The following SYNE2 variants were observed in gnomAD, a reference collection of about 807,000 sequenced individuals.
The protein encoded by SYNE2 is spectrin repeat containing nuclear envelope protein 2, also known as nesprin-2.
A neutral mutation model predicts 856.3 loss-of-function variants in SYNE2; 431 were observed. The ratio of observed to expected loss-of-function variants is 0.50; its 90% CI spans 0.47 to 0.55. SYNE2 has a LOEUF of 0.55. Ranked by LOEUF, SYNE2 falls within the 20% of genes least tolerant of loss-of-function variation. The pLI is 0.00. For missense variants in SYNE2, 8,129 were observed against 8,023.2 expected, an observed-to-expected ratio of 1.01 and a Z score of -0.50; for synonymous variants, 2,923 against 2,872.3, an observed-to-expected ratio of 1.02 and a Z score of -0.56.
chr14:64,038,898 C>G (rs1032948161), intron 45 of SYNE2, among the ~76,000 whole-genome samples: 1 of 151,566 alleles, frequency 6.6e-6, no homozygotes, highest in African/African-American at 2.4e-5. Flanking sequence ...GCACTGTCTC[C>G]TCTTTTGATG....
chr14:63,994,937 C>T, intron 22 of SYNE2, 107 bp from the exon 23 acceptor site: 2 of 736,626 alleles, frequency 2.7e-6, no homozygotes. Flanking sequence ...GGCACTTAAG[C>T]TTTGTTTCTG....
At chr14:63,841,807 C>T (rs1890072062) in intron 1 of SYNE2, among the ~76,000 whole-genome samples, 1 of 148,002 alleles carries the variant, frequency 6.8e-6, no homozygotes, top group Non-Finnish European at 1.5e-5. Flanking sequence ...GTTTTTTGCC[C>T]ATTTTTCTTT....
chr14:63,942,002 A>G (rs756926125), intron 5 of SYNE2, 40 bp downstream of exon 5: 1 of 1,599,988 alleles, frequency 6.3e-7, no homozygotes, highest in African/African-American at 1.3e-5. Flanking sequence ...AGGAGAGATT[A>G]ATGCTCTGGG....
intron 85 of SYNE2, among the ~76,000 whole-genome samples, chr14:64,154,753 A>G (rs2098271957): frequency 1.3e-5 from 2 of 149,916 alleles, no homozygotes; most frequent in African/African-American, 4.9e-5. Context: ...AGACTATGCC[A>G]CTGCACTCCA....
At chr14:64,016,700 T>G (rs2096894658) in intron 33 of SYNE2, 69 bp downstream of exon 33, 1 of 1,075,224 alleles carries the variant, frequency 9.3e-7, no homozygotes, top group Non-Finnish European at 1.4e-6. Context: ...TTTAGTATTT[T>G]TATTTAATTC....
chr14:64,080,683 G>A (rs761581484), intron 56 of SYNE2, 45 bp downstream of exon 56: 1 of 1,602,578 alleles, frequency 6.2e-7, no homozygotes, highest in Non-Finnish European at 8.5e-7. Context: ...TGGTGGTATT[G>A]AGATGGTGTT....
chr14:64,203,965 C>G (rs959553108), intron 100 of SYNE2, among the ~76,000 whole-genome samples: 16 of 152,212 alleles, frequency 1.1e-4, no homozygotes, highest in Non-Finnish European at 2.1e-4. Flanking sequence ...GATCCTCCCA[C>G]CCCAGCCTCC....
At chr14:64,110,002 G>T (rs958850646) in intron 65 of SYNE2, among the ~76,000 whole-genome samples, 4 of 152,178 alleles carry the variant, frequency 2.6e-5, no homozygotes, top group Non-Finnish European at 5.9e-5. Flanking sequence ...GTGAAATCAA[G>T]CTAGGCATGA....
rs1483967595 is a variant in SYNE2, at chr14:64,049,812, G to A, written c.7579G>A (p.Glu2527Lys). 2.5e-6 allele frequency: 4 copies of A among 1,614,096 alleles called. No individual in the cohort carries two copies. Among genetic ancestry groups the A allele is most frequent in the Admixed American group, 1.7e-5 (1 of 60,004 alleles). ...ATATTGTGTCCTCAGAGATTTTCAGGAATACCTTGCTGCAGTTGAATCTTC... is the reference window on the plus strand; with the variant it reads ...ATATTGTGTCCTCAGAGATTTTCAGAAATACCTTGCTGCAGTTGAATCTTC... Reference protein sequence around the residue: ...SQYCVLRDFQEYLAAVESSMK... With the variant: ...SQYCVLRDFQKYLAAVESSMK... The change falls in exon 47 of 116, where the codon GAA becomes AAA. Residue 2527 changes from glutamate (E) to lysine (K), a missense_variant. This residue lies in a region of SYNE2 where 5,410 missense variants were observed against 5,284.8 expected (regional missense o/e 1.02). Coordinates refer to ENST00000555002, the MANE Select transcript of SYNE2 (RefSeq NM_182914.3).
intron 99 of SYNE2, among the ~76,000 whole-genome samples, chr14:64,199,117 C>T (rs2098551209): frequency 6.6e-6 from 1 of 152,206 alleles, no homozygotes; most frequent in African/African-American, 2.4e-5. Context: ...TCCCCAGGCA[C>T]CTGCTAAGAG....
chr14:63,974,852 A>ATGTGTGTGTG (rs1289413090), intron 11 of SYNE2, among the ~76,000 whole-genome samples: 3 of 79,030 alleles, frequency 3.8e-5, no homozygotes, highest in South Asian at 6.1e-4. Flanking sequence ...GTGTGTGTAC[A>ATGTGTGTGTG]TGTGTGTGTG....
intron 103 of SYNE2, among the ~76,000 whole-genome samples, chr14:64,211,054 T>C (rs1279348915): frequency 6.6e-6 from 1 of 152,038 alleles, no homozygotes; most frequent in Admixed American, 6.6e-5. Flanking sequence ...AGATCATAGC[T>C]CACTGCAGCC....
At chr14:64,055,368 T>C (rs1156372305) in intron 48 of SYNE2, among the ~76,000 whole-genome samples, 1 of 112,940 alleles carries the variant, frequency 8.9e-6, no homozygotes, top group Non-Finnish European at 1.7e-5. Context: ...TGAAAATAAC[T>C]TTTTTTTTTT....
intron 30 of SYNE2, among the ~76,000 whole-genome samples, chr14:64,006,305 C>T (rs2096795110): frequency 6.6e-6 from 1 of 151,968 alleles, no homozygotes; most frequent in Admixed American, 6.6e-5. Context: ...CTTTTCCTTC[C>T]TCCTTGGCCG....
At chr14:63,954,989 C>G in intron 8 of SYNE2, 74 bp downstream of exon 8, 1 of 1,210,126 alleles carries the variant, frequency 8.3e-7, no homozygotes, top group South Asian at 1.2e-5. Context: ...AGTATCTATA[C>G]ATGAATAAAC....
intron 35 of SYNE2, 57 bp downstream of exon 35, chr14:64,020,150 ATC>A: frequency 8.4e-7 from 1 of 1,192,458 alleles, no homozygotes; most frequent in Non-Finnish European, 1.3e-6. Flanking sequence ...CCATAATCAT[ATC>A]ACTGCACTCC....
At chr14:63,781,866 G>A (rs943775102) in intron 1 of SYNE2, among the ~76,000 whole-genome samples, 10 of 152,094 alleles carry the variant, frequency 6.6e-5, no homozygotes, top group Non-Finnish European at 1.0e-4. Flanking sequence ...TAAAAGGTCA[G>A]GAGCAGTGAC....
intron 87 of SYNE2, among the ~76,000 whole-genome samples, chr14:64,159,830 G>C (rs1182094648): frequency 2.6e-5 from 4 of 152,212 alleles, no homozygotes; most frequent in African/African-American, 9.6e-5. Flanking sequence ...TAAGGTGGAA[G>C]AAAGGGGATG....
At chr14:64,174,504 T>C (rs1372334568) in intron 94 of SYNE2, among the ~76,000 whole-genome samples, 1 of 152,216 alleles carries the variant, frequency 6.6e-6, no homozygotes. Context: ...GCTTAAGAAA[T>C]GTATATTTTT....
Sources: gnomAD v4.1 joint callset for allele counts (sites outside exome capture counted in the v4.1 genomes callset) on GRCh38, gnomAD v4.1.1 for gene constraint, gnomAD v4.1.1 regional missense constraint, MANE v1.5 for transcripts, NCBI Gene and HGNC (gene_info 2026-07-23, HGNC 2026-07-21) for gene names.